PTK2: variants seen among roughly 807,000 people sequenced by gnomAD.
The protein encoded by PTK2 is focal adhesion kinase 1.
A neutral mutation model predicts 150.1 loss-of-function variants in PTK2; 45 were observed. That is an observed-to-expected ratio of 0.30 (90% confidence interval 0.24 to 0.38). The LOEUF (loss-of-function observed/expected upper bound fraction) is 0.38, where lower values mean the gene tolerates loss of function less well. Among genes scored for constraint, PTK2 ranks in the 10% least tolerant of loss-of-function variants. The pLI is 1.00. For missense variants in PTK2, 919 were observed against 1,307.3 expected (o/e 0.70, Z 4.58); for synonymous variants, 432 against 449.2 (o/e 0.96, Z 0.48).
chr8:140,850,499 G>T (rs1424926334), intron 5 of PTK2, among the ~76,000 whole-genome samples: 1 of 151,610 alleles, frequency 6.6e-6, no homozygotes, highest in African/African-American at 2.4e-5. Flanking sequence ...GCCAAGGCGG[G>T]TAGATCACGA....
At chr8:140,844,948 G>A (rs1040676263) in intron 7 of PTK2, among the ~76,000 whole-genome samples, 3 of 152,016 alleles carry the variant, frequency 2.0e-5, no homozygotes, top group African/African-American at 7.2e-5. Flanking sequence ...TATCCATAGT[G>A]GCCCACGACA....
intron 1 of PTK2, among the ~76,000 whole-genome samples, chr8:140,954,410 G>A (rs975139661): frequency 3.1e-4 from 47 of 152,170 alleles, no homozygotes; most frequent in African/African-American, 1.1e-3. Context: ...TTTGGTTTAT[G>A]CAAATGTGAA....
At chr8:140,825,619 G>A (rs916151711) in intron 8 of PTK2, among the ~76,000 whole-genome samples, 1 of 152,174 alleles carries the variant, frequency 6.6e-6, no homozygotes, top group African/African-American at 2.4e-5. Context: ...ATGCCAGTAT[G>A]GGGAGCACCC....
chr8:140,860,833 C>T (rs531453254), intron 5 of PTK2, among the ~76,000 whole-genome samples: 6 of 152,246 alleles, frequency 3.9e-5, no homozygotes, highest in South Asian at 2.1e-4. Flanking sequence ...CCACCTTTAA[C>T]TTCCTCCAAT....
chr8:140,897,568 T>G (rs1436046095), intron 2 of PTK2, among the ~76,000 whole-genome samples: 1 of 152,208 alleles, frequency 6.6e-6, no homozygotes, highest in Non-Finnish European at 1.5e-5. Flanking sequence ...TTCATGTTTT[T>G]GTTGGTCTTG....
intron 1 of PTK2, among the ~76,000 whole-genome samples, chr8:140,950,658 C>T (rs1450023083): frequency 3.3e-5 from 5 of 152,220 alleles, no homozygotes; most frequent in African/African-American, 9.6e-5. Context: ...CAGAAGGTGC[C>T]ACCAGCCACC....
intron 7 of PTK2, among the ~76,000 whole-genome samples, chr8:140,834,304 G>A (rs1284639906): frequency 6.6e-6 from 1 of 152,178 alleles, no homozygotes; most frequent in Admixed American, 6.5e-5. Flanking sequence ...CAAGGTTCTT[G>A]CCTTGCTCAG....
chr8:140,949,964 C>T (rs192911486), intron 1 of PTK2, among the ~76,000 whole-genome samples: 257 of 152,232 alleles, frequency 1.7e-3, no homozygotes, highest in Non-Finnish European at 2.7e-3. Flanking sequence ...CCCATAAAAA[C>T]CCCAGACTCA....
rs1564577826 is a variant in PTK2, at chr8:140,697,136, G to GAAAAAAA, written c.2499+3754_2499+3755insTTTTTTT. The stretch of plus-strand genomic sequence containing the variant: ...GTGACAGTGTGAGACCCTGTTTCCG[G>GAAAAAAA]GAAAAAAAAAAAAAAAAAAAAAAAA... On this transcript the variant is annotated intron_variant, in intron 26 of 31. Transcript: ENST00000522684. Among the ~76,000 whole-genome samples the GAAAAAAA allele has an allele frequency of 9.2e-5, 4 of 43,324 alleles. 1 individual carries two copies. The highest frequency in any genetic ancestry group is 8.8e-5 in the African/African-American group (1 of 11,316). The allele number at this position is 43,324 out of a possible 152,430, so 28.4% of individuals were successfully genotyped here.
intron 5 of PTK2, among the ~76,000 whole-genome samples, chr8:140,852,423 A>G (rs970576005): frequency 2.0e-5 from 3 of 152,124 alleles, no homozygotes; most frequent in Non-Finnish European, 4.4e-5. Flanking sequence ...AAAACTGCAC[A>G]GAATTACACA....
chr8:140,726,427 C>T (rs1364899302), intron 22 of PTK2, among the ~76,000 whole-genome samples: 1 of 152,104 alleles, frequency 6.6e-6, no homozygotes, highest in African/African-American at 2.4e-5. Flanking sequence ...ATCCTAAACA[C>T]AACTGACATT....
At chr8:140,803,861 T>C (rs2100096741) in intron 10 of PTK2, among the ~76,000 whole-genome samples, 1 of 152,154 alleles carries the variant, frequency 6.6e-6, no homozygotes, top group Non-Finnish European at 1.5e-5. Flanking sequence ...CTGCTCTCTG[T>C]GATGTGCTGA....
In PTK2 at chr8:140,688,629, G is replaced by A. The variant is rs557922234; in HGVS notation, c.2500-1935C>T. On this transcript the variant is annotated intron_variant, in intron 26 of 31. Transcript: ENST00000522684. ...CAGCTACTGGAGAGGCTGAGGTGGG[G>A]CGATGGTTTGAGCCCAGGAGTTTGA... Among the ~76,000 whole-genome samples the A allele has an allele frequency of 8.5e-5, 13 of 152,210 alleles. No individual in the cohort carries two copies. The East Asian group carries it at 2.1e-3, about 25-fold the overall frequency.
chr8:140,886,394 G>A (rs2100152316), intron 3 of PTK2, among the ~76,000 whole-genome samples: 2 of 152,208 alleles, frequency 1.3e-5, no homozygotes, highest in African/African-American at 4.8e-5. Context: ...GATAGAGCAT[G>A]ACAGCTGGGT....
chr8:140,832,775 A>G (rs749012077), intron 7 of PTK2: 3 of 514,146 alleles, frequency 5.8e-6, no homozygotes, highest in African/African-American at 1.9e-5. Context: ...GGTGGGCATC[A>G]ACAGTTCTGT....
At chr8:140,988,849 T>C (rs1479592531) in intron 1 of PTK2, among the ~76,000 whole-genome samples, 2 of 151,814 alleles carry the variant, frequency 1.3e-5, no homozygotes, top group African/African-American at 2.4e-5. Context: ...TTGGGATAAC[T>C]AGATGTCCAC....
intron 1 of PTK2, among the ~76,000 whole-genome samples, chr8:140,950,770 G>A (rs911281577): frequency 2.6e-5 from 4 of 152,118 alleles, no homozygotes; most frequent in Non-Finnish European, 5.9e-5. Flanking sequence ...CAACTGCAAA[G>A]GGGATGGGCA....
chr8:140,978,318 A>G (rs2100190082), intron 1 of PTK2, among the ~76,000 whole-genome samples: 2 of 152,252 alleles, frequency 1.3e-5, no homozygotes, highest in Admixed American at 6.5e-5. Context: ...CAGAGTGAAC[A>G]GGCAACCTAC....
intron 1 of PTK2, among the ~76,000 whole-genome samples, chr8:140,927,975 A>AAATATATATATAT: frequency 1.5e-4 from 7 of 48,194 alleles, no homozygotes; most frequent in East Asian, 8.1e-4. Flanking sequence ...AAAAAAAAAA[A>AAATATATATATAT]ATATATATAT....
Sources: gnomAD v4.1 joint callset for allele counts (sites outside exome capture counted in the v4.1 genomes callset) on GRCh38, gnomAD v4.1.1 for gene constraint, MANE v1.5 for transcripts, NCBI Gene and HGNC (gene_info 2026-07-23, HGNC 2026-07-21) for gene names.